Variants in RALGPS2 observed in about 807,000 individuals in gnomAD.
The protein encoded by RALGPS2 is ras-specific guanine nucleotide-releasing factor RalGPS2.
Under a neutral mutation model 86.8 loss-of-function variants are expected in RALGPS2, and 43 were observed. The observed-to-expected ratio is 0.50, with a 90% CI of 0.39 to 0.64. RALGPS2 has a LOEUF of 0.64. Ranked by LOEUF, RALGPS2 falls within the 30% of genes least tolerant of loss-of-function variation. The pLI, the probability that RALGPS2 is intolerant of heterozygous loss-of-function variation, is 0.00. For missense variants in RALGPS2, 536 were observed against 694.6 expected, an observed-to-expected ratio of 0.77 and a Z score of 2.57; for synonymous variants, 243 against 231.3, an observed-to-expected ratio of 1.05 and a Z score of -0.46.
chr1:178,822,252 T>G (rs1655542084), intron 7 of RALGPS2, among the ~76,000 whole-genome samples: 1 of 152,170 alleles, frequency 6.6e-6, no homozygotes, highest in Non-Finnish European at 1.5e-5. Flanking sequence ...GATCAGAGTA[T>G]GAATTTTGAC....
At chr1:178,741,257 A>T (rs566036293) in intron 1 of RALGPS2, among the ~76,000 whole-genome samples, 1 of 152,332 alleles carries the variant, frequency 6.6e-6, no homozygotes, top group East Asian at 1.9e-4. Context: ...AACTCATTGG[A>T]TGTTTCTGTT....
chr1:178,848,394 G>A (rs1402021439), intron 8 of RALGPS2, among the ~76,000 whole-genome samples: 1 of 152,154 alleles, frequency 6.6e-6, no homozygotes, highest in African/African-American at 2.4e-5. Flanking sequence ...TCTTACTGAA[G>A]ATAAGGCAAA....
chr1:178,777,983 G>A (rs1325103489), intron 2 of RALGPS2, among the ~76,000 whole-genome samples: 1 of 143,376 alleles, frequency 7.0e-6, no homozygotes, highest in Non-Finnish European at 1.5e-5. Flanking sequence ...ATAGGCATGG[G>A]CAAGGACTTC....
chr1:178,906,365 A>T (rs1054011359), intron 18 of RALGPS2, among the ~76,000 whole-genome samples: 1 of 150,994 alleles, frequency 6.6e-6, no homozygotes. Flanking sequence ...ACAGAGCGAG[A>T]CTCCATCTCA....
chr1:178,741,072 A>T lies in RALGPS2; in HGVS notation c.-84+15653A>T, dbSNP rs538735546. ...GTAATTTGATTTTTTTGCAACTAAG[A>T]GTCTAACTATAGTTAATCTCCTTAC... On this transcript the variant is annotated intron_variant, in intron 1 of 19. Coordinates refer to ENST00000367635, the MANE Select transcript of RALGPS2 (RefSeq NM_152663.5). Among the ~76,000 whole-genome samples, 404 of 152,352 alleles carry T rather than the reference A, an allele frequency of 2.7e-3. 1 individual carries two copies. In the Middle Eastern group the frequency reaches 0.027, roughly 10 times the overall value.
At chr1:178,829,862 A>G (rs1655934401) in intron 7 of RALGPS2, among the ~76,000 whole-genome samples, 1 of 152,026 alleles carries the variant, frequency 6.6e-6, no homozygotes. Flanking sequence ...CTCCTGCCTC[A>G]GCCTCCTGAG....
intron 16 of RALGPS2, among the ~76,000 whole-genome samples, chr1:178,894,491 C>T (rs928708496): frequency 1.3e-5 from 2 of 151,956 alleles, no homozygotes; most frequent in African/African-American, 4.8e-5. Context: ...CTTAAGGAAG[C>T]AGTGGGGAGT....
chr1:178,772,171 A>G (rs1409818995), intron 1 of RALGPS2, among the ~76,000 whole-genome samples: 1 of 152,090 alleles, frequency 6.6e-6, no homozygotes. Flanking sequence ...ATTTAAACCT[A>G]TTTCTGATTC....
intron 19 of RALGPS2, among the ~76,000 whole-genome samples, chr1:178,909,752 C>T (rs1254852914): frequency 2.0e-5 from 3 of 146,428 alleles, no homozygotes; most frequent in Non-Finnish European, 3.0e-5. Flanking sequence ...CGGGTTCAAG[C>T]GATTCTCCTG....
intron 7 of RALGPS2, among the ~76,000 whole-genome samples, chr1:178,828,890 A>G (rs1655883807): frequency 6.6e-6 from 1 of 152,188 alleles, no homozygotes; most frequent in Non-Finnish European, 1.5e-5. Flanking sequence ...TAATAGAACA[A>G]TTATGTGATC....
chr1:178,744,777 C>T (rs1651219948), intron 1 of RALGPS2, among the ~76,000 whole-genome samples: 1 of 145,264 alleles, frequency 6.9e-6, no homozygotes, highest in Non-Finnish European at 1.5e-5. Flanking sequence ...GAGATCGCAC[C>T]ACTGTACTCC....
intron 8 of RALGPS2, chr1:178,865,867 TC>T: frequency 1.0e-6 from 1 of 983,150 alleles, no homozygotes; most frequent in Admixed American, 2.7e-5. Flanking sequence ...TATGTTAAAG[TC>T]AGTAATCTTA....
At chr1:178,905,609 T>C (rs1156699378) in intron 18 of RALGPS2, among the ~76,000 whole-genome samples, 1 of 152,218 alleles carries the variant, frequency 6.6e-6, no homozygotes, top group African/African-American at 2.4e-5. Context: ...GTTAGGCTCT[T>C]GAGCCATTGA....
At position 178,917,197 on chromosome 1, in the gene RALGPS2, G is replaced by C. The variant is rs568403253; in HGVS notation, c.*838G>C. 9.2e-5 allele frequency: 14 copies of C among 152,204 alleles called. No individual in the cohort carries two copies. The South Asian group carries it at 2.7e-3, about 29-fold the overall frequency. 9.4% of individuals were successfully genotyped at this position (152,204 alleles called of 1,614,324 possible). On this transcript the variant is annotated 3_prime_UTR_variant, in exon 20 of 20. Transcript: ENST00000367635. ...GAATTCATTGTTGGACCACAGATCT[G>C]CTTAAGTAAAGAGCTATAATCCCAA...
intron 1 of RALGPS2, among the ~76,000 whole-genome samples, chr1:178,756,830 G>C (rs190137113): frequency 6.6e-6 from 1 of 152,132 alleles, no homozygotes; most frequent in African/African-American, 2.4e-5. Flanking sequence ...TTGTGTTTTT[G>C]CCAGGTTTTG....
intron 1 of RALGPS2, among the ~76,000 whole-genome samples, chr1:178,769,519 C>T (rs1294596938): frequency 2.6e-5 from 4 of 151,824 alleles, no homozygotes; most frequent in Non-Finnish European, 5.9e-5. Context: ...GATCAATGTC[C>T]ATGAAGGGTA....
intron 8 of RALGPS2, among the ~76,000 whole-genome samples, chr1:178,861,099 T>G (rs1373016156): frequency 6.6e-6 from 1 of 152,198 alleles, no homozygotes; most frequent in African/African-American, 2.4e-5. Context: ...TGGCAGTGAC[T>G]TACCCAAGGT....
chr1:178,807,742 G>T (rs1654809640), intron 4 of RALGPS2, among the ~76,000 whole-genome samples: 1 of 152,128 alleles, frequency 6.6e-6, no homozygotes, highest in Admixed American at 6.5e-5. Flanking sequence ...GTTGTGGGAT[G>T]CTCATCTTTA....
At chr1:178,837,918 G>GCCTT (rs1291247587) in intron 8 of RALGPS2, among the ~76,000 whole-genome samples, 7 of 152,204 alleles carry the variant, frequency 4.6e-5, no homozygotes, top group Non-Finnish European at 7.3e-5. Context: ...CGCCCACAGA[G>GCCTT]CCTTGTTCAT....
Sources: gnomAD v4.1 joint callset for allele counts (sites outside exome capture counted in the v4.1 genomes callset) on GRCh38, gnomAD v4.1.1 for gene constraint, MANE v1.5 for transcripts, NCBI Gene and HGNC (gene_info 2026-07-23, HGNC 2026-07-21) for gene names.